The following EML5 variants were observed in gnomAD, a reference collection of about 807,000 sequenced individuals.
EML5 encodes the protein EMAP like 5.
Under a neutral mutation model 250.0 loss-of-function variants are expected in EML5, and 120 were observed. The ratio of observed to expected loss-of-function variants is 0.48; its 90% confidence interval spans 0.41 to 0.56. The LOEUF is 0.56. Ranked by LOEUF, EML5 falls within the 20% of genes least tolerant of loss-of-function variation. EML5 has a pLI of 0.00. For missense variants in EML5, 2,006 were observed against 2,437.6 expected (o/e 0.82, Z 3.73); for synonymous variants, 771 against 806.5 (o/e 0.96, Z 0.75).
intron 1 of EML5, among the ~76,000 whole-genome samples, chr14:88,758,846 A>G (rs1459818358): frequency 1.1e-4 from 17 of 152,254 alleles, no homozygotes; most frequent in Admixed American, 1.1e-3. Flanking sequence ...AAGCATTAAT[A>G]CATGCTACAA....
At position 88,688,353 on chromosome 14, in the gene EML5, A is replaced by G; in HGVS notation, c.2660T>C (p.Val887Ala). 5 of 1,613,970 alleles carry G rather than the reference A, an allele frequency of 3.1e-6. No homozygotes were observed. Among genetic ancestry groups the G allele is most frequent in the Non-Finnish European group, 4.2e-6 (5 of 1,179,888 alleles). ...MAFSGTSTGD[V>A]CIWRDIFLVK... ...AAGAAAGATGTCTCTCCAGATACAC[A>G]CATCTCCTGTGGATGTTCCAGAAAA... Residue 887 changes from valine (V) to alanine (A), a missense_variant, in exon 18 of 44, where the codon GTG (valine) becomes GCG (alanine). By Grantham distance (64) the Val-to-Ala change is moderately conservative. This residue lies in a region of EML5 where 1,375 missense variants were observed against 1,590.3 expected (regional missense o/e 0.86). Coordinates refer to ENST00000554922, the MANE Select transcript of EML5 (RefSeq NM_183387.3).
intron 2 of EML5, among the ~76,000 whole-genome samples, chr14:88,751,719 C>T (rs1018149646): frequency 6.6e-6 from 1 of 152,228 alleles, no homozygotes; most frequent in East Asian, 1.9e-4. Flanking sequence ...AGGCTACAGA[C>T]TCCTGAAGAA....
At chr14:88,788,389 A>G (rs1477343902) in intron 1 of EML5, among the ~76,000 whole-genome samples, 1 of 152,156 alleles carries the variant, frequency 6.6e-6, no homozygotes, top group Non-Finnish European at 1.5e-5. Context: ...TACACCCTTC[A>G]TTTTGTCTTT....
At chr14:88,688,123 GAAAC>G (rs2092878216) in intron 18 of EML5, 144 bp downstream of exon 18, 1 of 759,458 alleles carries the variant, frequency 1.3e-6, no homozygotes, top group Admixed American at 2.4e-5. Context: ...TTTGAAAAGA[GAAAC>G]AAAGAAAGGT....
chr14:88,757,736 GAAATAC>G (rs1301957950), intron 1 of EML5, among the ~76,000 whole-genome samples: 1 of 152,032 alleles, frequency 6.6e-6, no homozygotes, highest in African/African-American at 2.4e-5. Flanking sequence ...AGTCAGCAGG[GAAATAC>G]AAATCAAAAA....
chr14:88,615,960 CCT>C, intron 43 of EML5, 106 bp from the exon 44 acceptor site: 1 of 1,359,226 alleles, frequency 7.4e-7, no homozygotes, highest in Admixed American at 2.2e-5. Context: ...TAATATTTTT[CCT>C]CTTTAACTCC....
intron 10 of EML5, among the ~76,000 whole-genome samples, chr14:88,707,414 C>T (rs1172168938): frequency 6.6e-6 from 1 of 151,896 alleles, no homozygotes; most frequent in Non-Finnish European, 1.5e-5. Flanking sequence ...AGGCATGAGC[C>T]ACCACATCTG....
intron 24 of EML5, 71 bp downstream of exon 24, chr14:88,662,960 G>C (rs17260373): frequency 0.17 from 191,248 of 1,111,108 alleles, 20,355 homozygotes; most frequent in East Asian, 0.49. Flanking sequence ...CTAAACGATA[G>C]AAAGTAGGTA....
At chr14:88,775,261 C>A (rs1313554936) in intron 1 of EML5, among the ~76,000 whole-genome samples, 1 of 152,112 alleles carries the variant, frequency 6.6e-6, no homozygotes, top group Non-Finnish European at 1.5e-5. Flanking sequence ...TTGTCTTGTA[C>A]CTTAGGTACC....
chr14:88,763,722 A>C (rs918892559), intron 1 of EML5, among the ~76,000 whole-genome samples: 8 of 152,220 alleles, frequency 5.3e-5, no homozygotes, highest in Non-Finnish European at 1.0e-4. Context: ...ATTTCAGGCC[A>C]GTATCCCTGA....
chr14:88,702,299 A>G, intron 14 of EML5, 147 bp downstream of exon 14: 1 of 572,210 alleles, frequency 1.7e-6, no homozygotes, highest in Non-Finnish European at 2.6e-6. Flanking sequence ...TTTGGGGTAA[A>G]TTTTATTTAT....
chr14:88,688,104 G>A (rs1329547630), intron 18 of EML5, among the ~76,000 whole-genome samples, 167 bp downstream of exon 18: 1 of 152,078 alleles, frequency 6.6e-6, no homozygotes, highest in Non-Finnish European at 1.5e-5. Context: ...TTCATTCTGT[G>A]TTCGGGAGTT....
intron 22 of EML5, 132 bp from the exon 23 acceptor site, chr14:88,664,756 G>A (rs1424326367): frequency 1.2e-6 from 1 of 857,920 alleles, no homozygotes; most frequent in Non-Finnish European, 1.7e-6. Flanking sequence ...TAAAACAGAT[G>A]TGTTAAATAA....
chr14:88,663,603 T>C (rs2092204416), intron 23 of EML5, among the ~76,000 whole-genome samples: 1 of 152,212 alleles, frequency 6.6e-6, no homozygotes, highest in Non-Finnish European at 1.5e-5. Context: ...AAGTTCTTTA[T>C]GTTATATGAT....
intron 2 of EML5, among the ~76,000 whole-genome samples, chr14:88,751,124 A>G (rs1280449823): frequency 6.6e-6 from 1 of 152,208 alleles, no homozygotes; most frequent in Non-Finnish European, 1.5e-5. Context: ...TGATAAACAT[A>G]TCATGACCCA....
chr14:88,720,789 G>T (rs1022510160), intron 8 of EML5, among the ~76,000 whole-genome samples: 93 of 152,106 alleles, frequency 6.1e-4, no homozygotes, highest in African/African-American at 2.1e-3. Context: ...AATGAGACAA[G>T]AAAAAGAAAT....
At chr14:88,776,271 C>T (rs1482429108) in intron 1 of EML5, among the ~76,000 whole-genome samples, 1 of 152,120 alleles carries the variant, frequency 6.6e-6, no homozygotes, top group East Asian at 1.9e-4. Context: ...ATTAAATAAG[C>T]TACCAGGGAC....
At chr14:88,735,055 A>C (rs1007162908) in intron 7 of EML5, among the ~76,000 whole-genome samples, 1 of 152,206 alleles carries the variant, frequency 6.6e-6, no homozygotes, top group Non-Finnish European at 1.5e-5. Flanking sequence ...AAAGATACAA[A>C]CAGAAATATT....
At chr14:88,760,358 G>GT (rs1237717433) in intron 1 of EML5, among the ~76,000 whole-genome samples, 1 of 151,934 alleles carries the variant, frequency 6.6e-6, no homozygotes, top group East Asian at 1.9e-4. Flanking sequence ...TTGTTTGTTT[G>GT]TTTTTTGCTG....
Sources: allele counts gnomAD v4.1 joint callset (sites outside exome capture counted in the v4.1 genomes callset), GRCh38; gene constraint gnomAD v4.1.1; regional missense constraint gnomAD v4.1.1; transcripts MANE v1.5; gene names NCBI Gene and HGNC (gene_info 2026-07-23, HGNC 2026-07-21).